ZRANB3: variants seen among roughly 807,000 people sequenced by gnomAD.
The protein encoded by ZRANB3 is DNA annealing helicase and endonuclease ZRANB3.
A neutral mutation model predicts 133.8 loss-of-function variants in ZRANB3; 125 were observed. The ratio of observed to expected loss-of-function variants is 0.93; its 90% confidence interval spans 0.81 to 1.08. ZRANB3 has a LOEUF of 1.08. Ranked by LOEUF, ZRANB3 falls within the 50% of genes least tolerant of loss-of-function variation. ZRANB3 has a pLI of 0.00. For missense variants in ZRANB3, 1,229 were observed against 1,275.5 expected (o/e 0.96, Z 0.56); for synonymous variants, 387 against 432.7 (o/e 0.89, Z 1.31).
At chr2:135,489,297 C>CCG (rs1296386217) in intron 2 of ZRANB3, among the ~76,000 whole-genome samples, 1 of 107,384 alleles carries the variant, frequency 9.3e-6, no homozygotes. Context: ...ACATCACACT[C>CCG]GGGACTGTTG....
intron 8 of ZRANB3, among the ~76,000 whole-genome samples, chr2:135,308,626 C>T (rs1356076821): frequency 6.6e-6 from 1 of 151,236 alleles, no homozygotes; most frequent in Non-Finnish European, 1.5e-5. Context: ...TTTGTCTTTT[C>T]CTTTGTTTGT....
intron 12 of ZRANB3, among the ~76,000 whole-genome samples, chr2:135,239,268 T>C (rs189543914): frequency 7.2e-5 from 11 of 152,096 alleles, no homozygotes; most frequent in South Asian, 2.1e-4. Flanking sequence ...TGGAGAGTGA[T>C]TGCTACATAA....
chr2:135,234,342 A>C (rs1695188016), intron 12 of ZRANB3, among the ~76,000 whole-genome samples: 1 of 152,100 alleles, frequency 6.6e-6, no homozygotes, highest in South Asian at 2.1e-4. Context: ...CACAATAATA[A>C]TCAGAGACTT....
chr2:135,292,806 T>A (rs1385159461), intron 8 of ZRANB3, among the ~76,000 whole-genome samples: 3 of 152,200 alleles, frequency 2.0e-5, no homozygotes, highest in Admixed American at 6.5e-5. Flanking sequence ...TCCAGCTTTC[T>A]ACATATGGCT....
In ZRANB3 at chr2:135,237,803, AG is replaced by A. The variant is rs1252823124; in HGVS notation, c.1540-6877del. On this transcript the variant is annotated intron_variant, in intron 12 of 20. Transcript: ENST00000264159. ...CTGGGGCCTGTTGTGGGGTGGGGGA[AG>A]GGGGGAGGGATAGCATTAGGAGATA... Among the ~76,000 whole-genome samples, 16 of 141,518 alleles carry A rather than the reference AG, an allele frequency of 1.1e-4. No individual in the cohort carries two copies. In the East Asian group the frequency reaches 3.6e-3, roughly 32 times the overall value. The allele number at this position is 141,518 out of a possible 152,430, so 92.8% of individuals were successfully genotyped here. A position where few individuals can be genotyped will look rare whatever the true frequency, so the allele number is the denominator to read the frequency against.
intron 2 of ZRANB3, among the ~76,000 whole-genome samples, chr2:135,459,863 A>T (rs1690688119): frequency 6.6e-6 from 1 of 152,216 alleles, no homozygotes; most frequent in Admixed American, 6.5e-5. Flanking sequence ...TTAAAAAAAT[A>T]AAAATAGAAA....
At chr2:135,303,910 T>G (rs896767991) in intron 8 of ZRANB3, among the ~76,000 whole-genome samples, 3 of 152,230 alleles carry the variant, frequency 2.0e-5, no homozygotes, top group Non-Finnish European at 4.4e-5. Flanking sequence ...TCAAATCGTA[T>G]TTTTAAAATT....
At chr2:135,312,533 T>C (rs1683046370) in intron 8 of ZRANB3, among the ~76,000 whole-genome samples, 1 of 152,134 alleles carries the variant, frequency 6.6e-6, no homozygotes, top group South Asian at 2.1e-4. Context: ...ATATGATAAG[T>C]TTACTTGACA....
In ZRANB3 at chr2:135,199,589, C is replaced by CG. The variant is rs1469203847; in HGVS notation, c.*752dup. ...TGCTGGGATTACATGCGTGAGCCAC[C>CG]GCGCCCAGCCAACAGTAAGCCTAGT... On this transcript the variant is annotated 3_prime_UTR_variant, in exon 21 of 21. Transcript: ENST00000264159. 6.6e-6 allele frequency: 1 copy of CG among 152,008 alleles called. No homozygotes were observed. The highest frequency in any genetic ancestry group is 2.4e-5 in the African/African-American group (1 of 41,352). The allele number at this position is 152,008 out of a possible 1,614,324, so 9.4% of individuals were successfully genotyped here.
chr2:135,477,189 T>C (rs964462482), intron 2 of ZRANB3, among the ~76,000 whole-genome samples: 1 of 152,186 alleles, frequency 6.6e-6, no homozygotes, highest in Non-Finnish European at 1.5e-5. Context: ...TACATACACA[T>C]AACCAGAAAG....
chr2:135,361,834 T>C (rs1685707265), intron 3 of ZRANB3, among the ~76,000 whole-genome samples: 1 of 152,234 alleles, frequency 6.6e-6, no homozygotes. Context: ...CACTTTCTTG[T>C]TCTTGTACAT....
intron 2 of ZRANB3, among the ~76,000 whole-genome samples, chr2:135,486,315 C>T (rs550155562): frequency 6.6e-6 from 1 of 152,164 alleles, no homozygotes; most frequent in East Asian, 1.9e-4. Context: ...TTTGTTGTCA[C>T]TTCAACATTG....
At chr2:135,320,867 G>A (rs921618308) in intron 6 of ZRANB3, among the ~76,000 whole-genome samples, 11 of 152,098 alleles carry the variant, frequency 7.2e-5, no homozygotes, top group African/African-American at 2.4e-4. Flanking sequence ...GCACATTCTG[G>A]AATGTTATGT....
chr2:135,326,904 A>C (rs1683863113), intron 6 of ZRANB3, among the ~76,000 whole-genome samples: 2 of 111,440 alleles, frequency 1.8e-5, no homozygotes, highest in East Asian at 2.7e-4. Flanking sequence ...ATCTCAAAAA[A>C]AAAAAAAAAA....
intron 6 of ZRANB3, among the ~76,000 whole-genome samples, chr2:135,332,674 A>T (rs1006649515): frequency 1.3e-5 from 2 of 152,128 alleles, no homozygotes; most frequent in African/African-American, 4.8e-5. Context: ...ACCAGGTCCT[A>T]AGAAACCGTT....
At chr2:135,241,175 C>G (rs1037264164) in intron 12 of ZRANB3, among the ~76,000 whole-genome samples, 13 of 152,036 alleles carry the variant, frequency 8.6e-5, no homozygotes, top group African/African-American at 2.7e-4. Flanking sequence ...CTTTTTCTGG[C>G]ATTCCTATTA....
intron 3 of ZRANB3, among the ~76,000 whole-genome samples, chr2:135,360,449 G>A (rs1558942455): frequency 1.3e-5 from 2 of 151,608 alleles, no homozygotes. Context: ...GCTCATGCCT[G>A]TATCCCAGCA....
chr2:135,399,984 G>GT (rs1464839941), intron 2 of ZRANB3, among the ~76,000 whole-genome samples: 1 of 152,156 alleles, frequency 6.6e-6, no homozygotes, highest in Non-Finnish European at 1.5e-5. Context: ...GCTCACACCT[G>GT]TAATCCCAGC....
chr2:135,418,924 TC>T lies in ZRANB3; in HGVS notation c.162-28105del, dbSNP rs1574075004. 5.7e-5 allele frequency among the ~76,000 whole-genome samples: 7 copies of T among 122,280 alleles called. No individual in the cohort carries two copies. The East Asian group carries it at 9.1e-4, about 16-fold the overall frequency. 80.2% of individuals were successfully genotyped at this position (122,280 alleles called of 152,430 possible). A position where few individuals can be genotyped will look rare whatever the true frequency, so the allele number is the denominator to read the frequency against. ...AAAGTAATGAAAAATAAGGATTCTC[TC>T]TTTTTTTTTTTTTTTTTTTTTTTTT... On this transcript the variant is annotated intron_variant, in intron 2 of 20. Coordinates refer to ENST00000264159, the MANE Select transcript of ZRANB3 (RefSeq NM_032143.4).
Sources: gnomAD v4.1 joint callset for allele counts (sites outside exome capture counted in the v4.1 genomes callset) on GRCh38, gnomAD v4.1.1 for gene constraint, MANE v1.5 for transcripts, NCBI Gene and HGNC (gene_info 2026-07-23, HGNC 2026-07-21) for gene names.